TLR9: variants seen among roughly 807,000 people sequenced by gnomAD.
TLR9 encodes toll-like receptor 9.
A neutral mutation model predicts 24.6 loss-of-function variants in TLR9; 19 were observed. The observed-to-expected ratio is 0.77, with a 90% confidence interval of 0.54 to 1.13. The LOEUF (loss-of-function observed/expected upper bound fraction) is 1.13, where lower values mean the gene tolerates loss of function less well. Among genes scored for constraint, TLR9 ranks in the 50% most tolerant of loss-of-function variants. The pLI is 0.00. For missense variants in TLR9, 1,065 were observed against 1,379.6 expected (o/e 0.77, Z 3.61); for synonymous variants, 579 against 609.8 (o/e 0.95, Z 0.74).
chr3:52,222,134 G>C lies in TLR9; in HGVS notation c.2182C>G (p.Arg728Gly). The C allele has an allele frequency of 6.2e-7, 1 of 1,612,626 alleles. No homozygotes were observed. The change falls in exon 2 of 2, where the codon CGA becomes GGA. Residue 728 changes from arginine to glycine, a missense_variant. Coordinates refer to ENST00000360658, the MANE Select transcript of TLR9 (RefSeq NM_017442.4). ...GCGTTGGCGCTAAGGTTGAGCTCTC[G>C]CAGCTCCTTGGCCTTGGAAAAGAAG... ...PGFFSKAKEL[R>G]ELNLSANALK... is the part of the protein sequence containing the mutation.
rs1207209588 is a variant in TLR9 at position 52,223,722 on chromosome 3, C to T, written c.594G>A (p.Leu198=). ...TGAGTGACAGGTGGGTGAGGTTGCCCAGGCCAAGGAGGGCACCCGGGGCCA... is the reference window on the plus strand; with the variant it reads ...TGAGTGACAGGTGGGTGAGGTTGCCTAGGCCAAGGAGGGCACCCGGGGCCA... ...LEVAPGALLG[L]GNLTHLSLKY... Residue 198 remains leucine (L), a synonymous_variant, in exon 2 of 2, where the codon CTG becomes CTA. Coordinates refer to ENST00000360658, the MANE Select transcript of TLR9 (RefSeq NM_017442.4). The T allele has an allele frequency of 1.3e-6, 2 of 1,585,078 alleles. No homozygotes were observed. The highest frequency in any genetic ancestry group is 1.3e-5 in the African/African-American group (1 of 74,230).
chr3:52,224,090 G>A lies in TLR9; in HGVS notation c.226C>T (p.His76Tyr). 1 of 1,566,342 alleles carries A rather than the reference G, an allele frequency of 6.4e-7. No homozygotes were observed. Among genetic ancestry groups the A allele is most frequent in the South Asian group, 1.2e-5 (1 of 83,910 alleles). Residue 76 changes from histidine to tyrosine, a missense_variant, in exon 2 of 2, where the codon CAC becomes TAC. Coordinates refer to ENST00000360658, the MANE Select transcript of TLR9 (RefSeq NM_017442.4). ...GCAAAGTCAGAATCATGGAGGTGGTGGATGCGGTTGGAGGACAAGGAAAGG... is the reference window on the plus strand; with the variant it reads ...GCAAAGTCAGAATCATGGAGGTGGTAGATGCGGTTGGAGGACAAGGAAAGG... ...TSLSLSSNRI[H>Y]HLHDSDFAHL...
Position 52,221,393 on chromosome 3 carries a change from C to T in TLR9, c.2923G>A (p.Gly975Ser), listed in dbSNP as rs55846319. ...AGCCGCACGTAGCGGGAGCGGCGGC[C>T]GTCAGGGCTCAGGATCACCAGCACC... ...VVVLVILSPDGRRSRYVRLRQ... is the reference protein window; with the variant it reads ...VVVLVILSPDSRRSRYVRLRQ... The change falls in exon 2 of 2, where the codon GGC becomes AGC. Residue 975 changes from glycine to serine, a missense_variant. By Grantham distance (56) the Gly-to-Ser change is moderately conservative (BLOSUM62 0). Transcript: ENST00000360658. The surrounding 1 kb of genome is among the most constrained non-coding windows in gnomAD (Gnocchi z 9.9). 22 of 1,592,566 alleles carry T rather than the reference C, an allele frequency of 1.4e-5. No homozygotes were observed. The East Asian group carries it at 2.0e-4, about 15-fold the overall frequency.
At chr3:52,225,504 G>A in intron 1 of TLR9, 23 bp downstream of exon 1, 3 of 1,593,758 alleles carry the variant, frequency 1.9e-6, no homozygotes, top group Non-Finnish European at 2.6e-6. Context: ...CCTTCCCCAG[G>A]GGACTGAGAG....
rs1278114192 is a variant in TLR9 at position 52,223,476 on chromosome 3, G to A, written c.840C>T (p.Phe280=). 2 of 1,573,164 alleles carry A rather than the reference G, an allele frequency of 1.3e-6. No homozygotes were observed. The highest frequency in any genetic ancestry group is 1.4e-5 in the African/African-American group (1 of 73,958). Reference sequence around the variant, plus strand: ...GGCCTTCAAGACGGCTCAGGTGGCTGAAGGTATCGGGATGTAGCTGGGGGA... The same window carrying A: ...GGCCTTCAAGACGGCTCAGGTGGCTAAAGGTATCGGGATGTAGCTGGGGGA... ...RHFPQLHPDT[F]SHLSRLEGLV... is the part of the protein sequence containing the mutation. The change falls in exon 2 of 2, where the codon TTC becomes TTT. Residue 280 remains phenylalanine (F), a synonymous_variant. Coordinates refer to ENST00000360658, the MANE Select transcript of TLR9 (RefSeq NM_017442.4).
chr3:52,225,343 CAAAA>C (rs981581476), intron 1 of TLR9, among the ~76,000 whole-genome samples, 180 bp downstream of exon 1: 6 of 101,712 alleles, frequency 5.9e-5, no homozygotes, highest in Admixed American at 1.1e-4. Flanking sequence ...AACTCCGTCT[CAAAA>C]AAAAAAAAAA....
rs760617877 is a variant in TLR9 at position 52,221,381 on chromosome 3, G to A, written c.2935C>T (p.Arg979Cys). 4.4e-6 allele frequency: 7 copies of A among 1,589,356 alleles called. No individual in the cohort carries two copies. The highest frequency in any genetic ancestry group is 6.0e-6 in the Non-Finnish European group (7 of 1,165,280). Reference protein sequence around the residue: ...VILSPDGRRSRYVRLRQRLCR... With the variant: ...VILSPDGRRSCYVRLRQRLCR... ...AGGCGCTGGCGCAGCCGCACGTAGCGGGAGCGGCGGCCGTCAGGGCTCAGG... is the reference window on the plus strand; with the variant it reads ...AGGCGCTGGCGCAGCCGCACGTAGCAGGAGCGGCGGCCGTCAGGGCTCAGG... The change falls in exon 2 of 2, where the codon CGC (arginine) becomes TGC (cysteine). Residue 979 changes from arginine to cysteine, a missense_variant. Arg to Cys is a radical substitution (Grantham distance 180). Transcript: ENST00000360658. The surrounding 1 kb of genome is among the most constrained non-coding windows in gnomAD (Gnocchi z 9.9).
At chr3:52,224,482 C>T (rs1025841725) in intron 1 of TLR9, among the ~76,000 whole-genome samples, 170 bp from the exon 2 acceptor site, 1 of 152,210 alleles carries the variant, frequency 6.6e-6, no homozygotes, top group Non-Finnish European at 1.5e-5. Context: ...TGTGGGGAAC[C>T]TGAACTCAGT....
chr3:52,221,475 C>T lies in TLR9; in HGVS notation c.2841G>A (p.Leu947=), dbSNP rs1274752396. ...LAHTDRVSGL[L]RASFLLAQQR... ...GCTGGGCCAGCAGGAAGCTGGCGCG[C>T]AAGAGACCACTGACCCGGTCCGTGT... is the stretch of plus-strand genomic sequence containing the variant. Residue 947 remains leucine, a synonymous_variant, in exon 2 of 2, where the codon TTG becomes TTA. Coordinates refer to ENST00000360658, the MANE Select transcript of TLR9 (RefSeq NM_017442.4). This position sits in a 1 kb window ranked among gnomAD's most constrained non-coding sequence, Gnocchi z 9.9. 1 of 1,612,058 alleles carries T rather than the reference C, an allele frequency of 6.2e-7. No individual in the cohort carries two copies. The highest frequency in any genetic ancestry group is 8.5e-7 in the Non-Finnish European group (1 of 1,179,064).
In TLR9 at chr3:52,221,987, C is replaced by G; in HGVS notation, c.2329G>C (p.Val777Leu). The G allele has an allele frequency of 6.2e-7, 1 of 1,607,902 alleles. No individual in the cohort carries two copies. Among genetic ancestry groups the G allele is most frequent in the Non-Finnish European group, 8.5e-7 (1 of 1,176,784 alleles). Residue 777 changes from valine to leucine, a missense_variant, in exon 2 of 2, where the codon GTG becomes CTG. Coordinates refer to ENST00000360658, the MANE Select transcript of TLR9 (RefSeq NM_017442.4). This position sits in a 1 kb window ranked among gnomAD's most constrained non-coding sequence, Gnocchi z 9.9. Reference protein sequence around the residue: ...GAAFMDFLLEVQAAVPGLPSR... With the variant: ...GAAFMDFLLELQAAVPGLPSR... ...GGCAGACCGGGCACGGCAGCCTGCA[C>G]CTCCAGCAGGAAGTCCATAAAGGCC... is the stretch of plus-strand genomic sequence containing the variant.
In TLR9 at chr3:52,225,592, G is replaced by A. The variant is rs1412961426; in HGVS notation, c.-63C>T. On this transcript the variant is annotated 5_prime_UTR_variant, in exon 1 of 2. Transcript: ENST00000360658. Reference sequence around the variant, plus strand: ...CAGACTGGACAGCAGCTACAGGGAAGGATGCTTCACACTCGAGGTCCCTTC... The same window carrying A: ...CAGACTGGACAGCAGCTACAGGGAAAGATGCTTCACACTCGAGGTCCCTTC... 6.4e-7 allele frequency: 1 copy of A among 1,572,108 alleles called. No individual in the cohort carries two copies. The highest frequency in any genetic ancestry group is 8.6e-7 in the Non-Finnish European group (1 of 1,165,124).
chr3:52,223,340 T>G lies in TLR9; in HGVS notation c.976A>C (p.Lys326Gln), dbSNP rs1165668310. Residue 326 changes from lysine (K) to glutamine (Q), a missense_variant, in exon 2 of 2, where the codon AAA becomes CAA. Physicochemically the swap from Lys to Gln is moderately conservative, Grantham distance 53. Transcript: ENST00000360658. Reference protein sequence around the residue: ...SENFLYKCITKTKAFQGLTQL... With the variant: ...SENFLYKCITQTKAFQGLTQL... ...GTTAGGCCCTGGAAGGCCTTGGTTT[T>G]AGTGATGCATTTGTAGAGGAAGTTC... The G allele has an allele frequency of 6.2e-7, 1 of 1,614,220 alleles. No homozygotes were observed. The highest frequency in any genetic ancestry group is 1.6e-4 in the Middle Eastern group (1 of 6,062).
Position 52,223,508 on chromosome 3 carries a change from G to A in TLR9, c.808C>T (p.Arg270Cys), listed in dbSNP as rs372334880. The change falls in exon 2 of 2, where the codon CGT (arginine) becomes TGT (cysteine). Residue 270 changes from arginine (R) to cysteine (C), a missense_variant. Arg to Cys is a radical substitution (Grantham distance 180). Transcript: ENST00000360658. ...HAPNPCMECP[R>C]HFPQLHPDTF... ...TCGGGATGTAGCTGGGGGAAGTGAC[G>A]AGGGCACTCCATGCAGGGGTTGGGA... is the stretch of plus-strand genomic sequence containing the variant. The A allele has an allele frequency of 4.5e-6, 7 of 1,552,830 alleles. No individual in the cohort carries two copies. Among genetic ancestry groups the A allele is most frequent in the Non-Finnish European group, 5.2e-6 (6 of 1,148,580 alleles).
Position 52,222,077 on chromosome 3 carries a change from G to T in TLR9, c.2239C>A (p.Pro747Thr). The change falls in exon 2 of 2, where the codon CCC (proline) becomes ACC (threonine). Residue 747 changes from proline (P) to threonine (T), a missense_variant. Physicochemically the swap from Pro to Thr is conservative, Grantham distance 38. Transcript: ENST00000360658. ...LKTVDHSWFG[P>T]LASALQILDV... ...AGTATTTGCAGGGCACTCGCCAGGG[G>T]CCCAAACCAGGAGTGGTCCACTGTC... The T allele has an allele frequency of 6.2e-7, 1 of 1,612,564 alleles. No individual in the cohort carries two copies. The highest frequency in any genetic ancestry group is 8.5e-7 in the Non-Finnish European group (1 of 1,179,236).
chr3:52,221,508 C>A lies in TLR9; in HGVS notation c.2808G>T (p.Val936=), dbSNP rs1699552969. Residue 936 remains valine (V), a synonymous_variant, in exon 2 of 2, where the codon GTG becomes GTT. Transcript: ENST00000360658. The surrounding 1 kb of genome is among the most constrained non-coding windows in gnomAD (Gnocchi z 9.9). Reference sequence around the variant, plus strand: ...CACTGACCCGGTCCGTGTGGGCCAGCACAAACAGCGTCTTGCGGCTGCCAT... The same window carrying A: ...CACTGACCCGGTCCGTGTGGGCCAGAACAAACAGCGTCTTGCGGCTGCCAT... ...SVYGSRKTLF[V]LAHTDRVSGL... 6 of 1,613,108 alleles carry A rather than the reference C, an allele frequency of 3.7e-6. No individual in the cohort carries two copies. The East Asian group carries it at 1.3e-4, about 36-fold the overall frequency.
Position 52,225,534 on chromosome 3 carries a change from G to C in TLR9, c.-5C>G. The C allele has an allele frequency of 6.3e-7, 1 of 1,584,774 alleles. No individual in the cohort carries two copies. The highest frequency in any genetic ancestry group is 8.5e-7 in the Non-Finnish European group (1 of 1,170,092). Reference sequence around the variant, plus strand: ...TGAGAGCTGTTGTCCTACCATGCTGGGGGGCAGGGGCTTCTCCAGAGGGTC... The same window carrying C: ...TGAGAGCTGTTGTCCTACCATGCTGCGGGGCAGGGGCTTCTCCAGAGGGTC... On this transcript the variant is annotated 5_prime_UTR_variant, in exon 1 of 2. Coordinates refer to ENST00000360658, the MANE Select transcript of TLR9 (RefSeq NM_017442.4).
Position 52,221,424 on chromosome 3 carries a change from G to A in TLR9, c.2892C>T (p.Asp964=), listed in dbSNP as rs148465111. ...AQQRLLEDRK[D]VVVLVILSPD... ...GGCTCAGGATCACCAGCACCACGACGTCCTTGCGGTCCTCCAGCAGGCGCT... is the reference window on the plus strand; with the variant it reads ...GGCTCAGGATCACCAGCACCACGACATCCTTGCGGTCCTCCAGCAGGCGCT... The change falls in exon 2 of 2, where the codon GAC becomes GAT. Residue 964 remains aspartate (D), a synonymous_variant. Transcript: ENST00000360658. The surrounding 1 kb of genome is among the most constrained non-coding windows in gnomAD (Gnocchi z 9.9). 3.7e-5 allele frequency: 59 copies of A among 1,603,512 alleles called. No homozygotes were observed. In the African/African-American group the frequency reaches 4.7e-4, roughly 13 times the overall value.
At position 52,222,907 on chromosome 3, in the gene TLR9, C is replaced by A. The variant is rs777940338; in HGVS notation, c.1409G>T (p.Cys470Phe). The A allele has an allele frequency of 1.2e-6, 2 of 1,604,212 alleles. No homozygotes were observed. The highest frequency in any genetic ancestry group is 3.3e-5 in the Admixed American group (2 of 59,734). The change falls in exon 2 of 2, where the codon TGC (cysteine) becomes TTC (phenylalanine). Residue 470 changes from cysteine to phenylalanine, a missense_variant. By Grantham distance (205) the Cys-to-Phe change is radical. Transcript: ENST00000360658. ...ATCCAAGGTGAAGTTGAGGGTGCTG[C>A]AGTTGGGCCTGAAGTCTTCAGAGCT... ...TPSSEDFRPNCSTLNFTLDLS... is the reference protein window; with the variant it reads ...TPSSEDFRPNFSTLNFTLDLS...
chr3:52,223,913 T>C lies in TLR9; in HGVS notation c.403A>G (p.Ile135Val), dbSNP rs761364189. 6.2e-7 allele frequency: 1 copy of C among 1,601,136 alleles called. No homozygotes were observed. The highest frequency in any genetic ancestry group is 1.1e-5 in the South Asian group (1 of 89,502). ...LEELNLSYNNIMTVPALPKSL... is the reference protein window; with the variant it reads ...LEELNLSYNNVMTVPALPKSL... ...TTGGGCAGCGCAGGCACAGTCATGA[T>C]GTTGTTGTAGCTCAGGTTTAGCTCT... The change falls in exon 2 of 2, where the codon ATC (isoleucine) becomes GTC (valine). Residue 135 changes from isoleucine (I) to valine (V), a missense_variant. Coordinates refer to ENST00000360658, the MANE Select transcript of TLR9 (RefSeq NM_017442.4).
Sources: allele counts gnomAD v4.1 joint callset (sites outside exome capture counted in the v4.1 genomes callset), GRCh38; gene constraint gnomAD v4.1.1; non-coding constraint Gnocchi (gnomAD v3.1); transcripts MANE v1.5; gene names NCBI Gene and HGNC (gene_info 2026-07-23, HGNC 2026-07-21).